The following KDM2B variants were observed in gnomAD, a reference collection of about 807,000 sequenced individuals.
The protein encoded by KDM2B is lysine-specific demethylase 2B.
In KDM2B, 26 loss-of-function variants were observed where a neutral mutation model predicts 150.0. The observed-to-expected ratio is 0.17, with a 90% CI of 0.13 to 0.24. KDM2B has a LOEUF of 0.24. Among genes scored for constraint, KDM2B ranks in the 10% least tolerant of loss-of-function variants. The pLI is 1.00. For synonymous variants in KDM2B, 734 were observed against 729.5 expected (o/e 1.01, Z -0.10); for missense variants, 1,265 against 1,816.9 (o/e 0.70, Z 5.52).
chr12:121,564,399 A>G (rs1890552866), intron 4 of KDM2B, among the ~76,000 whole-genome samples: 1 of 152,170 alleles, frequency 6.6e-6, no homozygotes, highest in South Asian at 2.1e-4. Flanking sequence ...CGGAGCTTGC[A>G]GTGAGCCGAG....
chr12:121,570,550 A>G (rs1283891608), intron 4 of KDM2B, among the ~76,000 whole-genome samples: 1 of 152,098 alleles, frequency 6.6e-6, no homozygotes, highest in Non-Finnish European at 1.5e-5. Context: ...CATCTGACAC[A>G]CTGGCCGGCT....
chr12:121,554,729 A>G (rs540850322), intron 4 of KDM2B, among the ~76,000 whole-genome samples: 1 of 152,272 alleles, frequency 6.6e-6, no homozygotes, highest in East Asian at 1.9e-4. Context: ...ACTTTAAATT[A>G]ACACTTTTAT....
chr12:121,443,097 C>G (rs150954147), intron 17 of KDM2B, 67 bp from the exon 18 acceptor site: 1 of 1,465,448 alleles, frequency 6.8e-7, no homozygotes, highest in African/African-American at 1.4e-5. Flanking sequence ...TCCTCGACAC[C>G]CCACCCCACC....
chr12:121,449,633 G>A (rs1424237175), intron 13 of KDM2B, among the ~76,000 whole-genome samples: 7 of 152,108 alleles, frequency 4.6e-5, no homozygotes, highest in East Asian at 1.9e-4. Flanking sequence ...AGACAGTCGC[G>A]GGTTCATTAC....
intron 14 of KDM2B, 150 bp downstream of exon 14, chr12:121,445,125 G>A (rs565138979): frequency 3.5e-5 from 30 of 868,376 alleles, no homozygotes; most frequent in Non-Finnish European, 4.5e-5. Context: ...TCCTTGCCCC[G>A]GGCTTATCCC....
At chr12:121,476,456 T>C (rs1881388880) in intron 12 of KDM2B, among the ~76,000 whole-genome samples, 1 of 151,390 alleles carries the variant, frequency 6.6e-6, no homozygotes, top group African/African-American at 2.4e-5. Flanking sequence ...ACAAGCGGCA[T>C]CCAACAGGTA....
At position 121,444,036 on chromosome 12, in the gene KDM2B, G is replaced by A. The variant is rs1313197001; in HGVS notation, c.2427C>T (p.Pro809=). ...HLRKKRKYEK[P]QELSGRKRAS... ...CCCGCTTGCGTCCACTCAGCTCCTG[G>A]GGCTTCTCGTATTTCCGCTTCTTCC... Residue 809 remains proline (P), a synonymous_variant, in exon 16 of 23, where the codon CCC becomes CCT. Transcript: ENST00000377071. The A allele has an allele frequency of 3.1e-6, 5 of 1,612,934 alleles. No individual in the cohort carries two copies. The highest frequency in any genetic ancestry group is 1.3e-5 in the African/African-American group (1 of 74,914).
At chr12:121,511,202 G>T (rs1555303936) in intron 10 of KDM2B, among the ~76,000 whole-genome samples, 3 of 150,790 alleles carry the variant, frequency 2.0e-5, no homozygotes. Context: ...TAGAGACAGG[G>T]TTTTACCTTG....
chr12:121,408,617 G>A, the KDM2B span, among the ~76,000 whole-genome samples: 58 of 152,240 alleles, frequency 3.8e-4, 1 homozygote, highest in Admixed American at 3.4e-3. Flanking sequence ...TGAAATTTAT[G>A]AGAAAGTACA....
At chr12:121,535,246 AAAC>A (rs1887995511) in intron 6 of KDM2B, among the ~76,000 whole-genome samples, 1 of 152,138 alleles carries the variant, frequency 6.6e-6, no homozygotes, top group Non-Finnish European at 1.5e-5. Flanking sequence ...AAAAACAAAA[AAAC>A]AAAACTGCAA....
intron 10 of KDM2B, among the ~76,000 whole-genome samples, chr12:121,511,154 G>T (rs1033280604): frequency 6.6e-6 from 1 of 151,568 alleles, no homozygotes; most frequent in African/African-American, 2.4e-5. Flanking sequence ...GAGATTACAG[G>T]TGAACCACCA....
At chr12:121,471,487 G>C (rs1285965878) in intron 12 of KDM2B, among the ~76,000 whole-genome samples, 2 of 152,118 alleles carry the variant, frequency 1.3e-5, no homozygotes, top group Admixed American at 6.6e-5. Context: ...CTGCTAAGAG[G>C]TTTTGCCCAG....
intron 9 of KDM2B, among the ~76,000 whole-genome samples, chr12:121,517,748 G>C (rs1594027390): frequency 6.6e-6 from 1 of 151,488 alleles, no homozygotes; most frequent in East Asian, 2.0e-4. Context: ...TGGGATTATA[G>C]GCGTCAGCCA....
At chr12:121,419,245 T>TACA in the KDM2B span, among the ~76,000 whole-genome samples, 2 of 152,232 alleles carry the variant, frequency 1.3e-5, no homozygotes, top group Admixed American at 1.3e-4. Flanking sequence ...TACACTAACG[T>TACA]GATGTACGGC....
intron 12 of KDM2B, among the ~76,000 whole-genome samples, chr12:121,459,080 G>T (rs1878718299): frequency 9.1e-6 from 1 of 109,448 alleles, no homozygotes; most frequent in African/African-American, 3.8e-5. Flanking sequence ...GCGAGACTCT[G>T]CCTCAAAAAA....
intron 12 of KDM2B, among the ~76,000 whole-genome samples, chr12:121,480,616 A>G (rs959280745): frequency 1.7e-4 from 25 of 150,310 alleles, no homozygotes; most frequent in African/African-American, 5.9e-4. Flanking sequence ...AAGCCCCACA[A>G]AAAACTTAGC....
At chr12:121,474,000 A>C (rs1338889222) in intron 12 of KDM2B, among the ~76,000 whole-genome samples, 2 of 152,188 alleles carry the variant, frequency 1.3e-5, no homozygotes, top group Non-Finnish European at 2.9e-5. Flanking sequence ...ATATTGTATG[A>C]TGCCATTTAT....
chr12:121,562,225 G>A (rs1309920734), intron 4 of KDM2B, among the ~76,000 whole-genome samples: 2 of 151,640 alleles, frequency 1.3e-5, no homozygotes, highest in East Asian at 1.9e-4. Context: ...GTTCACGCCT[G>A]TAATCCCAGC....
chr12:121,423,840 T>G, the KDM2B span: 1 of 402,930 alleles, frequency 2.5e-6, no homozygotes, highest in South Asian at 3.6e-5. The surrounding 1 kb of genome is among the most constrained non-coding windows in gnomAD (Gnocchi z 4.3). Context: ...GTCAGCCTGT[T>G]TGCGCCATGT....
Sources: allele counts gnomAD v4.1 joint callset (sites outside exome capture counted in the v4.1 genomes callset), GRCh38; gene constraint gnomAD v4.1.1; non-coding constraint Gnocchi (gnomAD v3.1); transcripts MANE v1.5; gene names NCBI Gene and HGNC (gene_info 2026-07-23, HGNC 2026-07-21).